Variants in LRRC28 observed in about 807,000 individuals in gnomAD.
The protein encoded by LRRC28 is leucine-rich repeat-containing protein 28.
In LRRC28, 39 loss-of-function variants were observed where a neutral mutation model predicts 45.7. That is an observed-to-expected ratio of 0.85 (90% confidence interval 0.66 to 1.12). The LOEUF (loss-of-function observed/expected upper bound fraction) is 1.12. Among genes scored for constraint, LRRC28 ranks in the 50% most tolerant of loss-of-function variants. The probability of loss-of-function intolerance (pLI) is 0.00; values close to 1 mark genes in which losing one functional copy is unlikely to be tolerated. For missense variants in LRRC28, 435 were observed against 438.5 expected, an observed-to-expected ratio of 0.99 and a Z score of 0.07; for synonymous variants, 206 against 178.8, an observed-to-expected ratio of 1.15 and a Z score of -1.22.
At chr15:99,274,333 T>C (rs2081561462) in intron 2 of LRRC28, among the ~76,000 whole-genome samples, 1 of 152,186 alleles carries the variant, frequency 6.6e-6, no homozygotes, top group Non-Finnish European at 1.5e-5. Flanking sequence ...CATTTTCTGG[T>C]TTAAAATAAA....
At chr15:99,327,316 C>T (rs1188776108) in intron 5 of LRRC28, among the ~76,000 whole-genome samples, 1 of 152,082 alleles carries the variant, frequency 6.6e-6, no homozygotes, top group Non-Finnish European at 1.5e-5. Flanking sequence ...CTCAAGTGAT[C>T]CACCCACCTC....
chr15:99,314,437 CTAAATAAATAAATAAATAAA>C (rs71922869), intron 5 of LRRC28, among the ~76,000 whole-genome samples: 9 of 127,714 alleles, frequency 7.0e-5, no homozygotes, highest in African/African-American at 2.1e-4. Flanking sequence ...GACCTTGTCT[CTAAATAAATAAATAAATAAA>C]TAAATAAATA....
chr15:99,287,879 C>T lies in LRRC28; in HGVS notation c.313C>T (p.Pro105Ser). Residue 105 changes from proline (P) to serine (S), a missense_variant, in exon 5 of 10, where the codon CCA becomes TCA. Coordinates refer to ENST00000301981, the MANE Select transcript of LRRC28 (RefSeq NM_144598.5). ...LSDNALEIVC[P>S]EIGRLRALRH... ...TGACAATGCCTTAGAAATTGTTTGC[C>T]CAGAAATTGGTCGTCTGAGAGCTTT... 1 of 1,613,658 alleles carries T rather than the reference C, an allele frequency of 6.2e-7. No individual in the cohort carries two copies. The highest frequency in any genetic ancestry group is 8.5e-7 in the Non-Finnish European group (1 of 1,179,772).
At chr15:99,350,244 C>G (rs1313982599) in intron 6 of LRRC28, among the ~76,000 whole-genome samples, 3 of 152,088 alleles carry the variant, frequency 2.0e-5, no homozygotes, top group Non-Finnish European at 4.4e-5. Context: ...GTTTTGCTTC[C>G]TATGGGGAAG....
At chr15:99,258,328 A>C in intron 2 of LRRC28, 1 of 1,456,796 alleles carries the variant, frequency 6.9e-7, no homozygotes, top group Non-Finnish European at 9.7e-7. Context: ...TTGCTGACCC[A>C]AGAGGAAACA....
At chr15:99,273,209 A>G (rs1239088460) in intron 2 of LRRC28, among the ~76,000 whole-genome samples, 3 of 151,958 alleles carry the variant, frequency 2.0e-5, no homozygotes, top group African/African-American at 7.3e-5. Flanking sequence ...TTGGGCATCT[A>G]TTCCTAAGTG....
intron 5 of LRRC28, among the ~76,000 whole-genome samples, chr15:99,299,232 T>G (rs1411493139): frequency 1.3e-5 from 2 of 152,244 alleles, no homozygotes; most frequent in African/African-American, 2.4e-5. Flanking sequence ...GATAGCATTT[T>G]CATCTGTAAT....
chr15:99,319,795 C>CATTTT (rs1202579906), intron 5 of LRRC28, among the ~76,000 whole-genome samples: 14 of 151,418 alleles, frequency 9.2e-5, no homozygotes, highest in East Asian at 3.9e-4. Flanking sequence ...TGTTTGGGAA[C>CATTTT]ATTTTATTTT....
intron 5 of LRRC28, among the ~76,000 whole-genome samples, chr15:99,296,122 G>A (rs918927104): frequency 6.6e-6 from 1 of 152,166 alleles, no homozygotes; most frequent in Non-Finnish European, 1.5e-5. Context: ...AGAGTGTATT[G>A]GCATAGGCTG....
chr15:99,254,938 T>C (rs1305512308), intron 1 of LRRC28, among the ~76,000 whole-genome samples: 4 of 152,228 alleles, frequency 2.6e-5, no homozygotes. Context: ...CATTGTAATA[T>C]TATAGAATAA....
chr15:99,259,891 A>G lies in LRRC28; in HGVS notation c.168+3766A>G, dbSNP rs2081145238. On this transcript the variant is annotated intron_variant, in intron 2 of 9. Transcript: ENST00000301981. ...CACATCCTGATGCAAAGGTGGAAGA[A>G]CCCGACGAAGAACCTGAGGAGACAG... 4.2e-5 allele frequency: 31 copies of G among 745,038 alleles called. 1 individual carries two copies. In the South Asian group the frequency reaches 4.2e-4, roughly 10 times the overall value. 46.2% of individuals were successfully genotyped at this position (745,038 alleles called of 1,614,324 possible). A position where few individuals can be genotyped will look rare whatever the true frequency, so the allele number is the denominator to read the frequency against.
chr15:99,373,242 G>A (rs539439043), intron 9 of LRRC28, among the ~76,000 whole-genome samples: 3 of 151,956 alleles, frequency 2.0e-5, no homozygotes, highest in Non-Finnish European at 2.9e-5. Flanking sequence ...TTTCATCAGC[G>A]AATCCCCCAA....
intron 9 of LRRC28, 79 bp downstream of exon 9, chr15:99,363,344 AAGCATTAAGTC>A (rs906962571): frequency 1.3e-6 from 2 of 1,501,784 alleles, no homozygotes; most frequent in Admixed American, 1.9e-5. Flanking sequence ...CTGTGCATGA[AAGCATTAAGTC>A]AGCAGTTTTA....
chr15:99,354,471 G>A (rs1956986923), intron 7 of LRRC28, among the ~76,000 whole-genome samples: 1 of 152,176 alleles, frequency 6.6e-6, no homozygotes, highest in Non-Finnish European at 1.5e-5. Flanking sequence ...GGGGGAAGGG[G>A]TAGTAGCACA....
At chr15:99,326,345 T>A (rs1955976402) in intron 5 of LRRC28, among the ~76,000 whole-genome samples, 1 of 152,218 alleles carries the variant, frequency 6.6e-6, no homozygotes, top group Non-Finnish European at 1.5e-5. Context: ...AGTTTATTCT[T>A]TCAGCAAAGA....
intron 6 of LRRC28, 83 bp from the exon 7 acceptor site, chr15:99,352,286 C>A: frequency 1.1e-6 from 1 of 925,012 alleles, no homozygotes. Context: ...TCGAATATTT[C>A]TAATACTATG....
intron 1 of LRRC28, among the ~76,000 whole-genome samples, chr15:99,255,104 C>T (rs1012967472): frequency 3.3e-5 from 5 of 152,252 alleles, no homozygotes; most frequent in African/African-American, 1.2e-4. Context: ...TGACTGTAAT[C>T]CCAGCACTTG....
intron 5 of LRRC28, among the ~76,000 whole-genome samples, chr15:99,293,628 A>AAAAAC (rs2082190316): frequency 2.1e-5 from 3 of 142,256 alleles, no homozygotes; most frequent in African/African-American, 2.6e-5. Flanking sequence ...AAAAAAAAAA[A>AAAAAC]AAAAACCTAA....
At chr15:99,376,055 C>T (rs1368430138) in intron 9 of LRRC28, among the ~76,000 whole-genome samples, 6 of 152,132 alleles carry the variant, frequency 3.9e-5, no homozygotes, top group Middle Eastern at 3.4e-3. Context: ...AGTCTCAAAT[C>T]AATAATCTAG....
Sources: gnomAD v4.1 joint callset for allele counts (sites outside exome capture counted in the v4.1 genomes callset) on GRCh38, gnomAD v4.1.1 for gene constraint, MANE v1.5 for transcripts, NCBI Gene and HGNC (gene_info 2026-07-23, HGNC 2026-07-21) for gene names.